ZDHHC21: variants seen among roughly 807,000 people sequenced by gnomAD.
ZDHHC21 encodes zDHHC palmitoyltransferase 21.
In ZDHHC21, 15 loss-of-function variants were observed where a neutral mutation model predicts 34.6. The observed-to-expected ratio is 0.43, with a 90% CI of 0.29 to 0.67. ZDHHC21 has a LOEUF of 0.67. ZDHHC21 is among the 30% of genes least tolerant of loss of function. The pLI, the probability that ZDHHC21 is intolerant of heterozygous loss-of-function variation, is 0.14. For missense variants in ZDHHC21, 344 were observed against 327.7 expected (o/e 1.05, Z -0.38); for synonymous variants, 142 against 101.8 (o/e 1.40, Z -2.38).
chr9:14,691,407 G>T (rs569914122), intron 1 of ZDHHC21, among the ~76,000 whole-genome samples: 10 of 152,084 alleles, frequency 6.6e-5, no homozygotes, highest in Non-Finnish European at 1.3e-4. Context: ...GCTATATGTG[G>T]GTCACATTTT....
intron 7 of ZDHHC21, among the ~76,000 whole-genome samples, chr9:14,652,258 T>C (rs911717872): frequency 3.9e-5 from 6 of 151,918 alleles, no homozygotes; most frequent in African/African-American, 1.4e-4. Context: ...ATAAAGATAG[T>C]AAATACTAAT....
chr9:14,670,025 AAAAAC>A (rs912440437), intron 5 of ZDHHC21, among the ~76,000 whole-genome samples: 16 of 152,142 alleles, frequency 1.1e-4, no homozygotes, highest in African/African-American at 3.4e-4. Flanking sequence ...ATAAACAAAA[AAAAAC>A]AAAACAAACA....
In ZDHHC21 at chr9:14,616,087, AT is replaced by A. The variant is rs2034937733; in HGVS notation, c.*2878del. On this transcript the variant is annotated 3_prime_UTR_variant, in exon 10 of 10. Transcript: ENST00000380916. ...TTAATCTCTTAGTTATTTTAAGGCA[AT>A]AGAGCCAGTAAAAAAATCATTTCAA... 1 of 151,766 alleles carries A rather than the reference AT, an allele frequency of 6.6e-6. No homozygotes were observed. The highest frequency in any genetic ancestry group is 2.1e-4 in the South Asian group (1 of 4,834). The allele number at this position is 151,766 out of a possible 1,614,324, so 9.4% of individuals were successfully genotyped here. A position where few individuals can be genotyped will look rare whatever the true frequency, so the allele number is the denominator to read the frequency against.
At chr9:14,669,330 G>C (rs199627922) in intron 5 of ZDHHC21, among the ~76,000 whole-genome samples, 7 of 136,864 alleles carry the variant, frequency 5.1e-5, no homozygotes, top group African/African-American at 1.5e-4. Context: ...TTAGAATGGC[G>C]ATCATTAAAA....
chr9:14,660,407 C>G (rs58099492), intron 6 of ZDHHC21, among the ~76,000 whole-genome samples: 2 of 140,566 alleles, frequency 1.4e-5, no homozygotes, highest in Non-Finnish European at 3.0e-5. Context: ...ATGATCAGAG[C>G]CACAAATACA....
rs759945018 is a variant in ZDHHC21 at position 14,674,308 on chromosome 9, T to C, written c.33A>G (p.Pro11=). The part of the protein sequence containing the change: MGLRIHFVVD[P]HGWCCMGLIV... ...TCAAACCCATGCAGCACCAACCATG[T>C]GGGTCAACAACAAAGTGAATCCGGA... Residue 11 remains proline, a synonymous_variant, in exon 4 of 10, where the codon CCA becomes CCG. Transcript: ENST00000380916. 2.5e-6 allele frequency: 4 copies of C among 1,596,060 alleles called. No individual in the cohort carries two copies. Among genetic ancestry groups the C allele is most frequent in the Admixed American group, 1.8e-5 (1 of 56,432 alleles).
the ZDHHC21 span, among the ~76,000 whole-genome samples, chr9:14,603,173 A>C: frequency 6.6e-6 from 1 of 152,122 alleles, no homozygotes; most frequent in East Asian, 1.9e-4. Context: ...CTTAAAATGA[A>C]TACATTTTGT....
At chr9:14,681,764 G>A (rs1476167023) in intron 2 of ZDHHC21, among the ~76,000 whole-genome samples, 1 of 126,848 alleles carries the variant, frequency 7.9e-6, no homozygotes, top group African/African-American at 2.9e-5. Flanking sequence ...TGTGTAAGTG[G>A]GTGGGGTAGT....
downstream of ZDHHC21, among the ~76,000 whole-genome samples, chr9:14,610,484 T>C (rs1281801350): frequency 2.6e-5 from 4 of 152,022 alleles, no homozygotes; most frequent in African/African-American, 9.7e-5. Context: ...TTTTCAAAAT[T>C]ACTTTTCTGG....
At chr9:14,650,190 T>C (rs978267023) in intron 7 of ZDHHC21, among the ~76,000 whole-genome samples, 3 of 151,362 alleles carry the variant, frequency 2.0e-5, no homozygotes, top group South Asian at 2.1e-4. Context: ...GAATTGGCAA[T>C]TGTTAGAATA....
At chr9:14,648,842 A>G (rs1830712384) in intron 7 of ZDHHC21, among the ~76,000 whole-genome samples, 1 of 152,078 alleles carries the variant, frequency 6.6e-6, no homozygotes, top group Non-Finnish European at 1.5e-5. Flanking sequence ...ATAAAATGAC[A>G]ATTTTCCTAT....
intron 8 of ZDHHC21, among the ~76,000 whole-genome samples, chr9:14,631,890 A>C (rs1258793979): frequency 6.6e-6 from 1 of 152,164 alleles, no homozygotes; most frequent in Non-Finnish European, 1.5e-5. Flanking sequence ...AAAGATCACC[A>C]ATCATAGATC....
the ZDHHC21 span, among the ~76,000 whole-genome samples, chr9:14,600,134 T>C: frequency 3.4e-4 from 52 of 152,234 alleles, 2 homozygotes; most frequent in South Asian, 0.011. Flanking sequence ...CTATTCAACA[T>C]AGTATTGGAA....
At chr9:14,661,257 T>C (rs1054778283) in intron 6 of ZDHHC21, among the ~76,000 whole-genome samples, 9 of 150,466 alleles carry the variant, frequency 6.0e-5, no homozygotes, top group African/African-American at 2.2e-4. Context: ...CACCAGAAGT[T>C]TGCTGAATAA....
chr9:14,591,756 A>G, the ZDHHC21 span, among the ~76,000 whole-genome samples: 1 of 152,180 alleles, frequency 6.6e-6, no homozygotes, highest in Non-Finnish European at 1.5e-5. Context: ...TTCATGAAAC[A>G]GTAAAAGTTA....
chr9:14,595,166 A>T, the ZDHHC21 span, among the ~76,000 whole-genome samples: 1 of 152,206 alleles, frequency 6.6e-6, no homozygotes, highest in Non-Finnish European at 1.5e-5. Context: ...ACTCTTAGGT[A>T]TCTACCCCAG....
downstream of ZDHHC21, among the ~76,000 whole-genome samples, chr9:14,607,068 ACT>A (rs1823034703): frequency 7.4e-6 from 1 of 134,894 alleles, no homozygotes; most frequent in Admixed American, 8.0e-5. Context: ...CCTCCATAGC[ACT>A]GTTACTAATA....
In ZDHHC21 at chr9:14,665,954, C is replaced by A. The variant is rs1409066568; in HGVS notation, c.254-3628G>T. On this transcript the variant is annotated intron_variant, in intron 5 of 9. Coordinates refer to ENST00000380916, the MANE Select transcript of ZDHHC21 (RefSeq NM_178566.6). Reference sequence around the variant, plus strand: ...AACTGCATCAACTAACGAGCAAAATCACCAGCTATCATCATAATGACAGGA... The same window carrying A: ...AACTGCATCAACTAACGAGCAAAATAACCAGCTATCATCATAATGACAGGA... Among the ~76,000 whole-genome samples, 31 of 149,574 alleles carry A rather than the reference C, an allele frequency of 2.1e-4. No individual in the cohort carries two copies. In the East Asian group the frequency reaches 2.4e-3, roughly 11 times the overall value.
chr9:14,674,840 G>A (rs1836084091), intron 3 of ZDHHC21, among the ~76,000 whole-genome samples: 1 of 151,936 alleles, frequency 6.6e-6, no homozygotes, highest in Admixed American at 6.6e-5. Flanking sequence ...GGTTGCAGGG[G>A]TGTATATTAA....
Sources: allele counts gnomAD v4.1 joint callset (sites outside exome capture counted in the v4.1 genomes callset), GRCh38; gene constraint gnomAD v4.1.1; transcripts MANE v1.5; gene names NCBI Gene and HGNC (gene_info 2026-07-23, HGNC 2026-07-21).